CUBN: variants seen among roughly 807,000 people sequenced by gnomAD.
CUBN encodes 460 kDa receptor.
In CUBN, 282 loss-of-function variants were observed where a neutral mutation model predicts 405.3. The ratio of observed to expected loss-of-function variants is 0.70; its 90% CI spans 0.63 to 0.77. The LOEUF is 0.77. CUBN is among the 30% of genes least tolerant of loss of function. The pLI is 0.00. For missense variants in CUBN, 4,514 were observed against 4,475.2 expected, an observed-to-expected ratio of 1.01 and a Z score of -0.25; for synonymous variants, 1,684 against 1,617.0, an observed-to-expected ratio of 1.04 and a Z score of -0.99.
At chr10:17,019,004 G>A (rs573821459) in intron 28 of CUBN, among the ~76,000 whole-genome samples, 160 of 152,290 alleles carry the variant, frequency 1.1e-3, no homozygotes, top group Non-Finnish European at 1.7e-3. Flanking sequence ...TCACCAGGGA[G>A]ACCAGTTAAG....
At chr10:16,888,302 T>A in intron 56 of CUBN, 115 bp downstream of exon 56, 1 of 817,564 alleles carries the variant, frequency 1.2e-6, no homozygotes, top group South Asian at 1.5e-5. Context: ...GACATGTTAA[T>A]TAACTGGATT....
intron 28 of CUBN, among the ~76,000 whole-genome samples, chr10:16,999,980 T>C (rs1009242227): frequency 6.6e-6 from 1 of 152,206 alleles, no homozygotes; most frequent in Middle Eastern, 3.2e-3. Flanking sequence ...CTGTGACCCT[T>C]TAAACTCTGT....
Position 17,088,288 on chromosome 10 carries a change from C to G in CUBN, c.1823G>C (p.Gly608Ala). The change falls in exon 15 of 67, where the codon GGA (glycine) becomes GCA (alanine). Residue 608 changes from glycine to alanine, a missense_variant. By Grantham distance (60) the Gly-to-Ala change is moderately conservative (BLOSUM62 0). Coordinates refer to ENST00000377833, the MANE Select transcript of CUBN (RefSeq NM_001081.4). ...YGSIKSPGYPGNYPPGRDCVW... is the reference protein window; with the variant it reads ...YGSIKSPGYPANYPPGRDCVW... Reference sequence around the variant, plus strand: ...ACAATCTCTTCCTGGGGGATAGTTTCCAGGATACCCCGGAGACTTAATAGA... The same window carrying G: ...ACAATCTCTTCCTGGGGGATAGTTTGCAGGATACCCCGGAGACTTAATAGA... The G allele has an allele frequency of 6.2e-7, 1 of 1,613,616 alleles. No homozygotes were observed. Among genetic ancestry groups the G allele is most frequent in the Non-Finnish European group, 8.5e-7 (1 of 1,179,584 alleles).
intron 24 of CUBN, 33 bp from the exon 25 acceptor site, chr10:17,045,221 C>A (rs777964541): frequency 6.2e-7 from 1 of 1,604,346 alleles, no homozygotes; most frequent in Middle Eastern, 1.9e-4. Context: ...GACACACACC[C>A]CTTTCCTTCT....
At chr10:17,099,243 T>A (rs1003434766) in intron 14 of CUBN, among the ~76,000 whole-genome samples, 1 of 152,064 alleles carries the variant, frequency 6.6e-6, no homozygotes, top group Non-Finnish European at 1.5e-5. Context: ...GGTATACTGA[T>A]CTCTTTACTT....
chr10:16,931,852 A>G (rs1280663704), intron 40 of CUBN, among the ~76,000 whole-genome samples: 2 of 152,252 alleles, frequency 1.3e-5, no homozygotes, highest in African/African-American at 4.8e-5. Context: ...TTTTAAAAGA[A>G]TAACCATAAT....
chr10:16,886,786 T>C (rs920220826), intron 56 of CUBN, among the ~76,000 whole-genome samples: 1 of 152,122 alleles, frequency 6.6e-6, no homozygotes, highest in Non-Finnish European at 1.5e-5. Flanking sequence ...GCAGGGCACA[T>C]ATATTAATTT....
chr10:17,007,790 C>A (rs984381926), intron 28 of CUBN, among the ~76,000 whole-genome samples: 1 of 152,156 alleles, frequency 6.6e-6, no homozygotes, highest in Admixed American at 6.5e-5. Context: ...ACATCCCTTG[C>A]GGGGCTGTGC....
chr10:16,882,969 G>C (rs780832), intron 56 of CUBN, among the ~76,000 whole-genome samples: 70,515 of 151,236 alleles, frequency 0.47, 18,951 homozygotes, highest in Middle Eastern at 0.63. Flanking sequence ...AGCTGAGATC[G>C]CACCACTGTA....
Position 17,127,431 on chromosome 10 carries a change from ATTTTTTT to A in CUBN, c.348+391_348+397del, listed in dbSNP as rs71268608. Among the ~76,000 whole-genome samples, 173 of 85,924 alleles carry A rather than the reference ATTTTTTT, an allele frequency of 2.0e-3. 1 individual carries two copies. Among genetic ancestry groups the A allele is most frequent in the Middle Eastern group, 9.6e-3 (1 of 104 alleles). The allele number at this position is 85,924 out of a possible 152,430, so 56.4% of individuals were successfully genotyped here. A position where few individuals can be genotyped will look rare whatever the true frequency, so the allele number is the denominator to read the frequency against. ...CAGGCTCATGCCACCATGCCCAGCT[ATTTTTTT>A]TTTTTTTTTTTTTTTTGGTAGAGAC... On this transcript the variant is annotated intron_variant, in intron 3 of 66. Coordinates refer to ENST00000377833, the MANE Select transcript of CUBN (RefSeq NM_001081.4).
rs543352253 is a variant in CUBN, at chr10:17,032,334, C to T, written c.4017+8699G>A. Among the ~76,000 whole-genome samples the T allele has an allele frequency of 8.5e-5, 13 of 152,280 alleles. No individual in the cohort carries two copies. In the East Asian group the frequency reaches 9.7e-4, roughly 11 times the overall value. On this transcript the variant is annotated intron_variant, in intron 27 of 66. Coordinates refer to ENST00000377833, the MANE Select transcript of CUBN (RefSeq NM_001081.4). ...ACACGAGAGAACCAAAGCAGCCAGACGTTAAATTCCTTGCCCAAGATCACA... is the reference window on the plus strand; with the variant it reads ...ACACGAGAGAACCAAAGCAGCCAGATGTTAAATTCCTTGCCCAAGATCACA...
At chr10:16,840,859 A>C in intron 61 of CUBN, 26 bp downstream of exon 61, 1 of 1,581,564 alleles carries the variant, frequency 6.3e-7, no homozygotes, top group Non-Finnish European at 8.7e-7. Context: ...ATTTCATAAC[A>C]TATAAAAATG....
intron 31 of CUBN, among the ~76,000 whole-genome samples, chr10:16,965,064 C>T (rs957497038): frequency 6.6e-6 from 1 of 152,212 alleles, no homozygotes; most frequent in African/African-American, 2.4e-5. Flanking sequence ...GAACCGCCCC[C>T]ATCCCTGCTA....
At chr10:16,992,514 C>A (rs1009845581) in intron 28 of CUBN, among the ~76,000 whole-genome samples, 1 of 152,182 alleles carries the variant, frequency 6.6e-6, no homozygotes, top group Non-Finnish European at 1.5e-5. Flanking sequence ...ATCTTGTCTA[C>A]TGTCCACTCT....
At chr10:16,985,729 C>T (rs1452694735) in intron 29 of CUBN, among the ~76,000 whole-genome samples, 10 of 152,212 alleles carry the variant, frequency 6.6e-5, no homozygotes, top group East Asian at 3.9e-4. Flanking sequence ...GCACCACAGC[C>T]GAACAGATGT....
intron 27 of CUBN, among the ~76,000 whole-genome samples, chr10:17,026,189 G>A (rs1391215574): frequency 2.6e-5 from 4 of 152,188 alleles, no homozygotes; most frequent in African/African-American, 9.7e-5. Context: ...GATCTGTGGA[G>A]AGGCCTCATT....
rs371138710 is a variant in CUBN at position 17,009,454 on chromosome 10, C to T, written c.4168+10379G>A. On this transcript the variant is annotated intron_variant, in intron 28 of 66. Coordinates refer to ENST00000377833, the MANE Select transcript of CUBN (RefSeq NM_001081.4). ...ATATTCAGCACATTGGCTGGAAGAG[C>T]CCATTGATACAGTAATCTGGGCACA... 1.1e-4 allele frequency among the ~76,000 whole-genome samples: 17 copies of T among 152,314 alleles called. 2 individuals are homozygous for T. Among genetic ancestry groups the T allele is most frequent in the Admixed American group, 2.6e-4 (4 of 15,308 alleles).
chr10:16,903,513 A>T (rs1202082370), intron 51 of CUBN, among the ~76,000 whole-genome samples: 2 of 151,786 alleles, frequency 1.3e-5, no homozygotes, highest in South Asian at 4.1e-4. Context: ...GATCAAAGAG[A>T]ATCTATAGAC....
intron 31 of CUBN, among the ~76,000 whole-genome samples, chr10:16,962,858 C>T (rs75156328): frequency 0.14 from 21,730 of 152,052 alleles, 1,972 homozygotes; most frequent in Middle Eastern, 0.23. Context: ...TCCTGACCCA[C>T]GGAAACTGTA....
Sources: gnomAD v4.1 joint callset for allele counts (sites outside exome capture counted in the v4.1 genomes callset) on GRCh38, gnomAD v4.1.1 for gene constraint, MANE v1.5 for transcripts, NCBI Gene and HGNC (gene_info 2026-07-23, HGNC 2026-07-21) for gene names.